The following GRAMD1C variants were observed in gnomAD, a reference collection of about 807,000 sequenced individuals.
GRAMD1C encodes the protein protein Aster-C.
A neutral mutation model predicts 97.8 loss-of-function variants in GRAMD1C; 89 were observed. That is an observed-to-expected ratio of 0.91 (90% CI 0.77 to 1.09). The LOEUF (loss-of-function observed/expected upper bound fraction) is 1.09, where lower values mean the gene tolerates loss of function less well. GRAMD1C is among the 50% of genes least tolerant of loss of function. The probability of loss-of-function intolerance (pLI) is 0.00; values close to 1 mark genes in which losing one functional copy is unlikely to be tolerated. For synonymous variants in GRAMD1C, 256 were observed against 267.0 expected (o/e 0.96, Z 0.40); for missense variants, 740 against 766.4 (o/e 0.97, Z 0.41).
At chr3:113,891,607 A>G (rs753123331) in intron 6 of GRAMD1C, among the ~76,000 whole-genome samples, 2 of 152,060 alleles carry the variant, frequency 1.3e-5, no homozygotes, top group African/African-American at 4.8e-5. Flanking sequence ...TTGGCCAAGC[A>G]TGGTGACTCA....
chr3:113,936,776 G>A (rs1377218388), intron 14 of GRAMD1C: 1 of 166,320 alleles, frequency 6.0e-6, no homozygotes, highest in East Asian at 1.8e-4. Context: ...ATGGCTCAGT[G>A]TAACCTCGGG....
intron 3 of GRAMD1C, among the ~76,000 whole-genome samples, chr3:113,871,866 A>C (rs1934830709): frequency 6.6e-6 from 1 of 151,760 alleles, no homozygotes; most frequent in Admixed American, 6.6e-5. Flanking sequence ...GCTTGAGCCC[A>C]GGAGGTGGAG....
intron 6 of GRAMD1C, chr3:113,885,398 C>A (rs1331532821): frequency 1.6e-5 from 25 of 1,576,420 alleles, no homozygotes; most frequent in Non-Finnish European, 2.1e-5. Context: ...CAGATCCGCA[C>A]GGTAATTCAG....
intron 6 of GRAMD1C, among the ~76,000 whole-genome samples, chr3:113,883,524 C>CAAA (rs1374405481): frequency 1.4e-5 from 1 of 69,784 alleles, no homozygotes; most frequent in Non-Finnish European, 3.1e-5. Context: ...GATCCTGTTT[C>CAAA]AAAAAAAAAA....
intron 10 of GRAMD1C, among the ~76,000 whole-genome samples, chr3:113,929,480 T>G (rs1248170354): frequency 1.3e-5 from 2 of 152,204 alleles, no homozygotes; most frequent in Non-Finnish European, 2.9e-5. Context: ...TGATAGTTGC[T>G]TCATTGAGTA....
intron 7 of GRAMD1C, 38 bp from the exon 8 acceptor site, chr3:113,904,102 G>A (rs1231899767): frequency 6.4e-7 from 1 of 1,558,750 alleles, no homozygotes; most frequent in South Asian, 1.1e-5. Context: ...TTTGTGTGGA[G>A]GTGACCTTAT....
intron 6 of GRAMD1C, among the ~76,000 whole-genome samples, chr3:113,884,591 G>C (rs1935379430): frequency 6.6e-6 from 1 of 152,172 alleles, no homozygotes; most frequent in Non-Finnish European, 1.5e-5. Context: ...CCAGCACTTT[G>C]GGAGGCCCAG....
At chr3:113,854,474 C>T (rs1185941493) in intron 2 of GRAMD1C, among the ~76,000 whole-genome samples, 1 of 152,054 alleles carries the variant, frequency 6.6e-6, no homozygotes, top group South Asian at 2.1e-4. Context: ...GTGAAGGAAG[C>T]CTTTCAAGGA....
rs1268793952 is a variant in GRAMD1C at position 113,876,146 on chromosome 3, A to G, written c.364-19A>G. 3 of 1,252,210 alleles carry G rather than the reference A, an allele frequency of 2.4e-6. No individual in the cohort carries two copies. The Admixed American group carries it at 5.5e-5, about 23-fold the overall frequency. The allele number at this position is 1,252,210 out of a possible 1,614,324, so 77.6% of individuals were successfully genotyped here. A position where few individuals can be genotyped will look rare whatever the true frequency, so the allele number is the denominator to read the frequency against. On this transcript the variant is annotated intron_variant, in intron 4 of 17. Coordinates refer to ENST00000358160, the MANE Select transcript of GRAMD1C (RefSeq NM_017577.5). ...TATGTTTCTGAAAAATACATTAAAA[A>G]AATTTTTTGTGTGTTTAGATTTCTA...
rs537270721 is a variant in GRAMD1C, at chr3:113,877,257, C to T, written c.459+997C>T. On this transcript the variant is annotated intron_variant, in intron 5 of 17. Transcript: ENST00000358160. Reference sequence around the variant, plus strand: ...AATTCTCACCTTGATCCTCCATCACCTTAGATATTCTGGCATGTACTTCCA... The same window carrying T: ...AATTCTCACCTTGATCCTCCATCACTTTAGATATTCTGGCATGTACTTCCA... 3.9e-5 allele frequency among the ~76,000 whole-genome samples: 6 copies of T among 152,330 alleles called. No homozygotes were observed. In the East Asian group the frequency reaches 9.6e-4, roughly 24 times the overall value.
At chr3:113,907,374 A>T (rs1279957474) in intron 8 of GRAMD1C, among the ~76,000 whole-genome samples, 1 of 152,242 alleles carries the variant, frequency 6.6e-6, no homozygotes, top group Admixed American at 6.5e-5. Context: ...AAACTTATTC[A>T]TCTAGAGACC....
chr3:113,857,868 A>G (rs1418527283), intron 2 of GRAMD1C, among the ~76,000 whole-genome samples: 2 of 152,110 alleles, frequency 1.3e-5, no homozygotes, highest in Admixed American at 6.5e-5. Context: ...CAAGTTATAT[A>G]ATTCTTTTTA....
At chr3:113,885,816 G>A in intron 6 of GRAMD1C, 1 of 1,611,042 alleles carries the variant, frequency 6.2e-7, no homozygotes, top group Non-Finnish European at 8.5e-7. Flanking sequence ...GGACCTCTCT[G>A]TGGTCCACAG....
chr3:113,903,163 C>T (rs1486771444), intron 7 of GRAMD1C, among the ~76,000 whole-genome samples: 3 of 149,536 alleles, frequency 2.0e-5, no homozygotes, highest in South Asian at 2.1e-4. Context: ...TTAGTAGAGA[C>T]GGCATTTCAC....
At chr3:113,940,791 C>T (rs1285326830) in intron 17 of GRAMD1C, among the ~76,000 whole-genome samples, 1 of 152,172 alleles carries the variant, frequency 6.6e-6, no homozygotes, top group Non-Finnish European at 1.5e-5. Context: ...AAAGCAAACC[C>T]CCTTAACAGC....
chr3:113,904,428 A>G (rs1936285552), intron 8 of GRAMD1C, among the ~76,000 whole-genome samples, 156 bp downstream of exon 8: 1 of 152,218 alleles, frequency 6.6e-6, no homozygotes, highest in Admixed American at 6.5e-5. Flanking sequence ...TTAGTAGCAG[A>G]GATTATGTGG....
intron 6 of GRAMD1C, among the ~76,000 whole-genome samples, chr3:113,894,930 G>A (rs1935877043): frequency 6.6e-6 from 1 of 152,158 alleles, no homozygotes; most frequent in South Asian, 2.1e-4. Context: ...TGACAGAAGG[G>A]TGTCCTATTC....
Position 113,853,047 on chromosome 3 carries a change from TTA to T in GRAMD1C, c.174+8401_174+8402del, listed in dbSNP as rs561507144. On this transcript the variant is annotated intron_variant, in intron 2 of 17. Coordinates refer to ENST00000358160, the MANE Select transcript of GRAMD1C (RefSeq NM_017577.5). Reference sequence around the variant, plus strand: ...TCCAAAACTTCAGATAATAAAACTATTATACCAAATAAAGACTACGAAAGTCA... The same window carrying T: ...TCCAAAACTTCAGATAATAAAACTATTACCAAATAAAGACTACGAAAGTCA... Among the ~76,000 whole-genome samples, 49 of 152,204 alleles carry T rather than the reference TTA, an allele frequency of 3.2e-4. No homozygotes were observed. The East Asian group carries it at 9.1e-3, about 28-fold the overall frequency.
chr3:113,852,426 C>T (rs1030475652), intron 2 of GRAMD1C, among the ~76,000 whole-genome samples: 1 of 152,028 alleles, frequency 6.6e-6, no homozygotes, highest in African/African-American at 2.4e-5. Flanking sequence ...AGATACTGCT[C>T]GATAAACCTA....
Sources: gnomAD v4.1 joint callset for allele counts (sites outside exome capture counted in the v4.1 genomes callset) on GRCh38, gnomAD v4.1.1 for gene constraint, MANE v1.5 for transcripts, NCBI Gene and HGNC (gene_info 2026-07-23, HGNC 2026-07-21) for gene names.